The following HERC1 variants were observed in gnomAD, a reference collection of about 807,000 sequenced individuals.
HERC1 encodes probable E3 ubiquitin-protein ligase HERC1.
In HERC1, 160 loss-of-function variants were observed where a neutral mutation model predicts 554.3. That is an observed-to-expected ratio of 0.29 (90% CI 0.25 to 0.33). HERC1 has a LOEUF of 0.33. Ranked by LOEUF, HERC1 falls within the 10% of genes least tolerant of loss-of-function variation. HERC1 has a pLI of 1.00. For missense variants in HERC1, 4,919 were observed against 5,918.5 expected (o/e 0.83, Z 5.54); for synonymous variants, 2,175 against 2,131.7 (o/e 1.02, Z -0.56).
intron 66 of HERC1, among the ~76,000 whole-genome samples, chr15:63,634,279 A>C (rs1035763460): frequency 2.0e-5 from 3 of 152,256 alleles, no homozygotes; most frequent in African/African-American, 7.2e-5. Context: ...AAAGTATCTA[A>C]GGAATGATAT....
chr15:63,664,608 T>TC lies in HERC1; in HGVS notation c.8556-15_8556-14insG, dbSNP rs759889450. 1 of 1,608,812 alleles carries TC rather than the reference T, an allele frequency of 6.2e-7. No individual in the cohort carries two copies. The highest frequency in any genetic ancestry group is 1.7e-5 in the Admixed American group (1 of 59,444). ...AAATTATCAGGGCTACAAGTGCAAG[T>TC]GAGAAAGCAACACAAAGTTTTTGAA... On this transcript the variant is annotated splice_polypyrimidine_tract_variant and intron_variant, in intron 42 of 77. Transcript: ENST00000443617.
At position 63,713,405 on chromosome 15, in the gene HERC1, G is replaced by A. The variant is rs2073401975; in HGVS notation, c.4411C>T (p.Gln1471Ter). The change falls in exon 23 of 78, where the codon CAG (glutamine) becomes TAG (stop). Residue 1471 changes from glutamine to a stop codon, truncating the protein, a stop_gained. Coordinates refer to ENST00000443617, the MANE Select transcript of HERC1 (RefSeq NM_003922.4). LOFTEE classifies it high-confidence loss of function. ...GCACTTGTTGAAGGTTGCTGCAACT[G>A]TCCTTCTTCTCTTCGCTTCTGAAGC... ...DELQKRREEG[Q>*]LQQPSTSASE... The A allele has an allele frequency of 6.2e-7, 1 of 1,613,898 alleles. No individual in the cohort carries two copies. Among genetic ancestry groups the A allele is most frequent in the Non-Finnish European group, 8.5e-7 (1 of 1,179,896 alleles).
chr15:63,638,229 C>T (rs989213118), intron 63 of HERC1, among the ~76,000 whole-genome samples, 182 bp downstream of exon 63: 2 of 152,124 alleles, frequency 1.3e-5, no homozygotes, highest in Admixed American at 6.5e-5. Context: ...AATTTGTTAA[C>T]TTCTTAAGTC....
chr15:63,827,661 AAAATAT>A (rs2077988920), intron 1 of HERC1, among the ~76,000 whole-genome samples: 1 of 152,210 alleles, frequency 6.6e-6, no homozygotes, highest in Non-Finnish European at 1.5e-5. Flanking sequence ...ATGAGAATTA[AAAATAT>A]ATGTCCACAC....
intron 77 of HERC1, among the ~76,000 whole-genome samples, chr15:63,609,841 C>T (rs1025269104): frequency 6.6e-5 from 10 of 152,092 alleles, no homozygotes; most frequent in South Asian, 4.1e-4. Flanking sequence ...ATTCAACTGA[C>T]GGTGATGCAT....
intron 1 of HERC1, among the ~76,000 whole-genome samples, chr15:63,786,921 T>A (rs1241986006): frequency 1.1e-5 from 1 of 91,486 alleles, no homozygotes; most frequent in Non-Finnish European, 2.4e-5. Flanking sequence ...TAAATTATTA[T>A]TTTTTTTTTT....
intron 1 of HERC1, among the ~76,000 whole-genome samples, chr15:63,824,783 A>G (rs1436678615): frequency 6.6e-6 from 1 of 151,882 alleles, no homozygotes; most frequent in East Asian, 1.9e-4. Flanking sequence ...AGATCCTGCC[A>G]TTTACAACAA....
In HERC1 at chr15:63,678,051, G is replaced by T; in HGVS notation, c.6864C>A (p.Leu2288=). Residue 2288 remains leucine (L), a synonymous_variant, in exon 37 of 78, where the codon CTC becomes CTA. Coordinates refer to ENST00000443617, the MANE Select transcript of HERC1 (RefSeq NM_003922.4). ...EEKGKHTRHG[L]ADLSELQLRT... ...TCAGCTGCAGCTCTGAGAGGTCAGC[G>T]AGGCCATGCCTAGTATGTTTACCTT... 4 of 1,614,014 alleles carry T rather than the reference G, an allele frequency of 2.5e-6. No individual in the cohort carries two copies. The highest frequency in any genetic ancestry group is 2.5e-6 in the Non-Finnish European group (3 of 1,179,886).
At position 63,674,823 on chromosome 15, in the gene HERC1, T is replaced by C. The variant is rs750423923; in HGVS notation, c.7365A>G (p.Thr2455=). 6.2e-7 allele frequency: 1 copy of C among 1,613,866 alleles called. No individual in the cohort carries two copies. The highest frequency in any genetic ancestry group is 8.5e-7 in the Non-Finnish European group (1 of 1,179,828). Residue 2455 remains threonine, a synonymous_variant, in exon 38 of 78, where the codon ACA becomes ACG. Coordinates refer to ENST00000443617, the MANE Select transcript of HERC1 (RefSeq NM_003922.4). ...TSDDVKSQST[T]SSKSENEIAS... is the part of the protein sequence containing the mutation. ...CGATTTCATTTTCTGATTTGGAGCTTGTGGTACTCTGACTTTTGACGTCAT... is the reference window on the plus strand; with the variant it reads ...CGATTTCATTTTCTGATTTGGAGCTCGTGGTACTCTGACTTTTGACGTCAT...
Position 63,640,335 on chromosome 15 carries a change from T to C in HERC1, c.11718A>G (p.Pro3906=), listed in dbSNP as rs772319716. The C allele has an allele frequency of 2.5e-6, 4 of 1,613,878 alleles. No individual in the cohort carries two copies. The highest frequency in any genetic ancestry group is 2.2e-5 in the South Asian group (2 of 91,086). Residue 3906 remains proline (P), a synonymous_variant, in exon 61 of 78, where the codon CCA becomes CCG. Coordinates refer to ENST00000443617, the MANE Select transcript of HERC1 (RefSeq NM_003922.4). ...CAGGGAGACAGTTCTGGTGGTGTGG[T>C]GGCACTGGAGGGTTACACAACAGCT... ...LDQLLCNPPV[P]PHHQNCLPDP...
rs11314964 is a variant in HERC1 at position 63,700,708 on chromosome 15, C to CAAAAAA, written c.4637-1718_4637-1713dup. 6.7e-4 allele frequency among the ~76,000 whole-genome samples: 43 copies of CAAAAAA among 64,588 alleles called. 2 individuals are homozygous for CAAAAAA. The highest frequency in any genetic ancestry group is 1.0e-3 in the Non-Finnish European group (33 of 31,572). 42.4% of individuals were successfully genotyped at this position (64,588 alleles called of 152,430 possible). A position where few individuals can be genotyped will look rare whatever the true frequency, so the allele number is the denominator to read the frequency against. On this transcript the variant is annotated intron_variant, in intron 25 of 77. Coordinates refer to ENST00000443617, the MANE Select transcript of HERC1 (RefSeq NM_003922.4). ...TGGGTGACAGGGCGAGACCCTGCCT[C>CAAAAAA]AAAAAAAAAAAAAAAAAAAAAAGCT...
intron 1 of HERC1, among the ~76,000 whole-genome samples, chr15:63,807,260 C>G (rs2077166995): frequency 1.3e-5 from 2 of 152,234 alleles, no homozygotes; most frequent in African/African-American, 4.8e-5. Context: ...TGGCATTACA[C>G]TGCCCAAGTT....
intron 1 of HERC1, among the ~76,000 whole-genome samples, chr15:63,795,813 A>G (rs1439790196): frequency 2.0e-5 from 3 of 152,214 alleles, no homozygotes; most frequent in African/African-American, 4.8e-5. Flanking sequence ...GGGACCTGAC[A>G]TTCTGTATTT....
chr15:63,631,763 A>G (rs1044831323), intron 68 of HERC1, among the ~76,000 whole-genome samples: 2 of 151,558 alleles, frequency 1.3e-5, no homozygotes, highest in Admixed American at 1.3e-4. Context: ...CTGGTCTCAA[A>G]CTCTTGACTT....
At chr15:63,707,533 A>G (rs922660181) in intron 24 of HERC1, among the ~76,000 whole-genome samples, 1 of 152,180 alleles carries the variant, frequency 6.6e-6, no homozygotes, top group Non-Finnish European at 1.5e-5. Flanking sequence ...AACAAATCAT[A>G]TATGACTTAA....
Position 63,638,517 on chromosome 15 carries a change from T to C in HERC1, c.11987A>G (p.Lys3996Arg). The change falls in exon 63 of 78, where the codon AAA (lysine) becomes AGA (arginine). Residue 3996 changes from lysine to arginine, a missense_variant. By Grantham distance (26) the Lys-to-Arg change is conservative (BLOSUM62 2). Around this residue, in one of 11 missense-constraint regions of HERC1, gnomAD observed 122 missense variants for 195.2 expected, o/e 0.63. Transcript: ENST00000443617. ...AGCACCCCATAAGTAGACATCACAT[T>C]TACCTCCCAGGTGCCAGTCCTAGAA... ...SRPEDWHLGG[K>R]CDVYLWGAGR... 6.2e-7 allele frequency: 1 copy of C among 1,613,786 alleles called. No individual in the cohort carries two copies. The highest frequency in any genetic ancestry group is 8.5e-7 in the Non-Finnish European group (1 of 1,179,798).
chr15:63,658,430 C>T (rs1034085377), intron 48 of HERC1, 114 bp downstream of exon 48: 1 of 780,624 alleles, frequency 1.3e-6, no homozygotes, highest in Non-Finnish European at 2.0e-6. Flanking sequence ...TTTCATTCAA[C>T]AGTACATATT....
chr15:63,826,802 A>ATTAT (rs1217286361), intron 1 of HERC1, among the ~76,000 whole-genome samples: 1 of 57,116 alleles, frequency 1.8e-5, no homozygotes, highest in Non-Finnish European at 3.7e-5. Context: ...AAAAAAAAAA[A>ATTAT]AAAAAAAAAA....
chr15:63,793,633 C>T (rs1253807576), intron 1 of HERC1, among the ~76,000 whole-genome samples: 1 of 152,164 alleles, frequency 6.6e-6, no homozygotes, highest in Non-Finnish European at 1.5e-5. Context: ...AGCAGACATT[C>T]TTTATTCCTT....
Sources: gnomAD v4.1 joint callset for allele counts (sites outside exome capture counted in the v4.1 genomes callset) on GRCh38, gnomAD v4.1.1 for gene constraint, gnomAD v4.1.1 regional missense constraint, MANE v1.5 for transcripts, NCBI Gene and HGNC (gene_info 2026-07-23, HGNC 2026-07-21) for gene names.